Variants in PCDHA3 observed in about 807,000 individuals in gnomAD.
PCDHA3 encodes protocadherin alpha 3, also known as protocadherin alpha-3.
PCDHA3 carries 41 observed loss-of-function variants against 62.2 expected under a neutral mutation model. That is an observed-to-expected ratio of 0.66 (90% confidence interval 0.51 to 0.86). The LOEUF (loss-of-function observed/expected upper bound fraction) is 0.86. PCDHA3 is among the 40% of genes least tolerant of loss of function. The pLI is 0.00. For missense variants in PCDHA3, 1,304 were observed against 1,241.2 expected (o/e 1.05, Z -0.76); for synonymous variants, 640 against 555.4 (o/e 1.15, Z -2.14).
chr5:140,906,050 G>T (rs560570961), intron 1 of PCDHA3, among the ~76,000 whole-genome samples: 2 of 152,268 alleles, frequency 1.3e-5, no homozygotes, highest in African/African-American at 4.8e-5. Flanking sequence ...TATTCTGGCT[G>T]CACTGGCAGC....
At chr5:140,873,448 T>C (rs917341990) in intron 1 of PCDHA3, among the ~76,000 whole-genome samples, 1 of 152,206 alleles carries the variant, frequency 6.6e-6, no homozygotes, top group East Asian at 1.9e-4. Flanking sequence ...AAATAACAAA[T>C]TTGCATTTTA....
At chr5:140,804,043 T>C in intron 1 of PCDHA3, 1 of 170,986 alleles carries the variant, frequency 5.8e-6, no homozygotes, top group Non-Finnish European at 1.2e-5. Flanking sequence ...TGCTTATAAC[T>C]CCCTATTGAT....
At chr5:140,836,021 C>G in intron 1 of PCDHA3, 3 of 1,613,388 alleles carry the variant, frequency 1.9e-6, no homozygotes, top group Non-Finnish European at 2.5e-6. Flanking sequence ...CGCCTCTGGG[C>G]AGCAACGTGA....
intron 1 of PCDHA3, chr5:140,811,701 G>A (rs1164778955): frequency 1.3e-5 from 2 of 152,172 alleles, no homozygotes; most frequent in Non-Finnish European, 2.9e-5. Flanking sequence ...TCTAACTGGT[G>A]TGAGATGGTA....
intron 3 of PCDHA3, among the ~76,000 whole-genome samples, chr5:140,984,830 T>C (rs2097123075): frequency 6.6e-6 from 1 of 152,220 alleles, no homozygotes; most frequent in South Asian, 2.1e-4. Context: ...TTACCCTTTC[T>C]GTAAATTGGG....
At chr5:140,925,434 G>C (rs1165185781) in intron 1 of PCDHA3, among the ~76,000 whole-genome samples, 1 of 152,088 alleles carries the variant, frequency 6.6e-6, no homozygotes, top group African/African-American at 2.4e-5. Flanking sequence ...TAGGGTGTTA[G>C]GCAGAATTTG....
intron 1 of PCDHA3, among the ~76,000 whole-genome samples, chr5:140,952,848 T>A (rs10476804): frequency 0.013 from 2,044 of 152,238 alleles, 38 homozygotes; most frequent in African/African-American, 0.047. Context: ...CTGCTTGTCT[T>A]CTGGGGAGGC....
Position 140,858,252 on chromosome 5 carries a change from C to A in PCDHA3, c.2394+54661C>A, listed in dbSNP as rs1554151333. On this transcript the variant is annotated intron_variant, in intron 1 of 3. Coordinates refer to ENST00000522353, the MANE Select transcript of PCDHA3 (RefSeq NM_018906.3). The stretch of plus-strand genomic sequence containing the variant: ...GAGGGCGCATGTGGGCCGGTGAAGC[C>A]CACGCTGGTGTGCTCTAGCGCGGTG... 3 of 1,596,744 alleles carry A rather than the reference C, an allele frequency of 1.9e-6. 1 individual carries two copies. The Admixed American group carries it at 5.1e-5, about 27-fold the overall frequency.
rs1479388882 is a variant in PCDHA3 at position 140,802,634 on chromosome 5, G to A, written c.1437G>A (p.Ala479=). The A allele has an allele frequency of 1.2e-6, 2 of 1,613,736 alleles. No individual in the cohort carries two copies. The highest frequency in any genetic ancestry group is 1.7e-6 in the Non-Finnish European group (2 of 1,179,904). Residue 479 remains alanine (A), a synonymous_variant, in exon 1 of 4, where the codon GCG becomes GCA. Coordinates refer to ENST00000522353, the MANE Select transcript of PCDHA3 (RefSeq NM_018906.3). ...GCTGCCACATCTTCACGGTGTCTGCGCGGGACGCGGACGCGCAGGAGAACG... is the reference window on the plus strand; with the variant it reads ...GCTGCCACATCTTCACGGTGTCTGCACGGGACGCGGACGCGCAGGAGAACG... ...PPGCHIFTVS[A]RDADAQENAL...
At chr5:140,830,163 C>A in intron 1 of PCDHA3, 1 of 1,613,430 alleles carries the variant, frequency 6.2e-7, no homozygotes, top group Non-Finnish European at 8.5e-7. Flanking sequence ...GGCCCAGAGG[C>A]GGCGCTGGTG....
At chr5:140,916,321 C>T (rs1302078048) in intron 1 of PCDHA3, among the ~76,000 whole-genome samples, 1 of 152,160 alleles carries the variant, frequency 6.6e-6, no homozygotes, top group Non-Finnish European at 1.5e-5. Flanking sequence ...AGACAAAGTC[C>T]CCTTTACTTT....
At position 141,010,692 on chromosome 5, in the gene PCDHA3, G is replaced by A. The variant is rs1415098319; in HGVS notation, c.*755G>A. The A allele has an allele frequency of 1.9e-5, 3 of 159,998 alleles. No homozygotes were observed. The highest frequency in any genetic ancestry group is 7.2e-5 in the African/African-American group (3 of 41,584). 9.9% of individuals were successfully genotyped at this position (159,998 alleles called of 1,614,324 possible). On this transcript the variant is annotated 3_prime_UTR_variant, in exon 4 of 4. Coordinates refer to ENST00000522353, the MANE Select transcript of PCDHA3 (RefSeq NM_018906.3). ...TGGGAAACAGAAGCAGATCTGATGT[G>A]TTTCCTATACATGTCCTGTGCTCAC...
intron 1 of PCDHA3, chr5:140,867,533 T>C (rs2050017163): frequency 6.6e-6 from 1 of 152,110 alleles, no homozygotes. Flanking sequence ...AATATATATA[T>C]AAAATATTAG....
chr5:140,851,823 GT>G, intron 1 of PCDHA3: 1 of 963,106 alleles, frequency 1.0e-6, no homozygotes, highest in Non-Finnish European at 1.3e-6. Context: ...ACAGAAATCT[GT>G]TTTTTTAAAA....
chr5:140,836,463 G>A (rs2150261592), intron 1 of PCDHA3: 2 of 1,613,838 alleles, frequency 1.2e-6, no homozygotes, highest in Middle Eastern at 1.6e-4. Context: ...GACCGAGCTG[G>A]TGGATGTCAA....
rs531269900 is a variant in PCDHA3, at chr5:140,802,701, C to T, written c.1504C>T (p.Arg502Cys). The change falls in exon 1 of 4, where the codon CGC becomes TGC. Residue 502 changes from arginine (R) to cysteine (C), a missense_variant. Coordinates refer to ENST00000522353, the MANE Select transcript of PCDHA3 (RefSeq NM_018906.3). ...YSLVERRVGE[R>C]ALSSYVSVHA... ...GCTGGTGGAACGGCGGGTGGGGGAGCGCGCGCTGTCGAGCTACGTGTCGGT... is the reference window on the plus strand; with the variant it reads ...GCTGGTGGAACGGCGGGTGGGGGAGTGCGCGCTGTCGAGCTACGTGTCGGT... 9 of 1,612,338 alleles carry T rather than the reference C, an allele frequency of 5.6e-6. No individual in the cohort carries two copies. The East Asian group carries it at 1.6e-4, about 28-fold the overall frequency.
intron 1 of PCDHA3, chr5:140,884,124 G>C: frequency 6.2e-7 from 1 of 1,613,344 alleles, no homozygotes; most frequent in Non-Finnish European, 8.5e-7. Flanking sequence ...GTCGGCGCGC[G>C]CATCCCGTTC....
At chr5:140,861,384 C>A in intron 1 of PCDHA3, 1 of 437,328 alleles carries the variant, frequency 2.3e-6, no homozygotes, top group Non-Finnish European at 4.7e-6. Flanking sequence ...TGCGCAGGAC[C>A]TGGGTCTGGA....
chr5:140,969,538 G>A (rs916768919), intron 1 of PCDHA3: 11 of 1,304,024 alleles, frequency 8.4e-6, no homozygotes, highest in African/African-American at 1.5e-5. Flanking sequence ...TTCATTTTCA[G>A]AGGCATGAAG....
Sources: allele counts gnomAD v4.1 joint callset (sites outside exome capture counted in the v4.1 genomes callset), GRCh38; gene constraint gnomAD v4.1.1; transcripts MANE v1.5; gene names NCBI Gene and HGNC (gene_info 2026-07-23, HGNC 2026-07-21).